SPTLC3: variants seen among roughly 807,000 people sequenced by gnomAD.
SPTLC3 encodes serine palmitoyltransferase 3.
Under a neutral mutation model 59.3 loss-of-function variants are expected in SPTLC3, and 36 were observed. The observed-to-expected ratio is 0.61, with a 90% confidence interval of 0.47 to 0.80. SPTLC3 has a LOEUF of 0.80. Among genes scored for constraint, SPTLC3 ranks in the 30% least tolerant of loss-of-function variants. The pLI is 0.00. For missense variants in SPTLC3, 625 were observed against 685.1 expected (o/e 0.91, Z 0.98); for synonymous variants, 257 against 240.8 (o/e 1.07, Z -0.62).
At chr20:13,071,048 G>A (rs542890148) in intron 2 of SPTLC3, among the ~76,000 whole-genome samples, 3 of 152,074 alleles carry the variant, frequency 2.0e-5, no homozygotes, top group African/African-American at 7.2e-5. Flanking sequence ...GTAATCCCAC[G>A]AATGTCCAAA....
chr20:13,154,211 T>C, intron 10 of SPTLC3, 73 bp downstream of exon 10: 4 of 1,575,492 alleles, frequency 2.5e-6, no homozygotes, highest in Non-Finnish European at 3.5e-6. Context: ...GGCACAGGCG[T>C]TAGATTATGC....
At chr20:13,052,141 C>T (rs1480668604) in intron 2 of SPTLC3, among the ~76,000 whole-genome samples, 1 of 152,088 alleles carries the variant, frequency 6.6e-6, no homozygotes, top group African/African-American at 2.4e-5. Context: ...ATGTAGAAGG[C>T]ATTTGATTTC....
At chr20:13,146,023 C>T (rs1382465249) in intron 9 of SPTLC3, among the ~76,000 whole-genome samples, 1 of 152,186 alleles carries the variant, frequency 6.6e-6, no homozygotes, top group Non-Finnish European at 1.5e-5. Flanking sequence ...ATGGAATCAA[C>T]CTAAATCCTT....
intron 6 of SPTLC3, among the ~76,000 whole-genome samples, chr20:13,105,303 A>C (rs1364104236): frequency 6.6e-6 from 1 of 152,020 alleles, no homozygotes; most frequent in Non-Finnish European, 1.5e-5. Context: ...CCTTCTGCTC[A>C]AGAATCCTGG....
At chr20:13,050,406 T>C (rs983444369) in intron 2 of SPTLC3, 1 of 152,030 alleles carries the variant, frequency 6.6e-6, no homozygotes, top group Non-Finnish European at 1.5e-5. Context: ...TAAGAAAATA[T>C]GAACAAAGCC....
At chr20:13,116,983 C>T (rs1373101686) in intron 7 of SPTLC3, among the ~76,000 whole-genome samples, 1 of 152,192 alleles carries the variant, frequency 6.6e-6, no homozygotes, top group Non-Finnish European at 1.5e-5. Context: ...AACAAGAGGT[C>T]TCAAAGACTT....
intron 2 of SPTLC3, among the ~76,000 whole-genome samples, chr20:13,067,646 T>G (rs994745633): frequency 3.3e-5 from 5 of 152,210 alleles, no homozygotes; most frequent in Non-Finnish European, 7.3e-5. Context: ...CTTTATTCAA[T>G]ATCTCTATCT....
chr20:13,159,970 C>CTT (rs76977323), intron 10 of SPTLC3, 33 bp from the exon 11 acceptor site: 137 of 1,161,814 alleles, frequency 1.2e-4, no homozygotes, highest in South Asian at 5.3e-4. Flanking sequence ...CAACTAACCA[C>CTT]TTTTTTTTTT....
At chr20:13,017,789 A>G (rs186558241) in intron 1 of SPTLC3, among the ~76,000 whole-genome samples, 1 of 152,338 alleles carries the variant, frequency 6.6e-6, no homozygotes, top group Admixed American at 6.5e-5. Context: ...TGAGAGGTAG[A>G]ATCTAATTCT....
intron 8 of SPTLC3, among the ~76,000 whole-genome samples, 195 bp downstream of exon 8, chr20:13,117,920 G>A (rs752708353): frequency 6.6e-6 from 1 of 152,170 alleles, no homozygotes; most frequent in African/African-American, 2.4e-5. Context: ...TAGTGAAGAG[G>A]AGCATGTGAT....
At chr20:13,093,648 C>A in intron 6 of SPTLC3, 71 bp downstream of exon 6, 2 of 1,378,426 alleles carry the variant, frequency 1.5e-6, no homozygotes, top group Admixed American at 1.9e-5. Flanking sequence ...ATTGATGAGG[C>A]TTTGTTCTGC....
rs77005274 is a variant in SPTLC3 at position 13,151,646 on chromosome 20, A to G, written c.1280-2357A>G. ...CAACTAAATCTCCATTTCTCTGCATATACCATATTGTTAACACAATTAAGG... is the reference window on the plus strand; with the variant it reads ...CAACTAAATCTCCATTTCTCTGCATGTACCATATTGTTAACACAATTAAGG... On this transcript the variant is annotated intron_variant, in intron 9 of 11. Transcript: ENST00000399002. Among the ~76,000 whole-genome samples, 74 of 152,346 alleles carry G rather than the reference A, an allele frequency of 4.9e-4. No homozygotes were observed. The East Asian group carries it at 0.014, about 29-fold the overall frequency.
intron 3 of SPTLC3, among the ~76,000 whole-genome samples, chr20:13,072,838 A>G (rs1037917088): frequency 6.6e-6 from 1 of 152,228 alleles, no homozygotes; most frequent in Non-Finnish European, 1.5e-5. Flanking sequence ...GTAACAATCC[A>G]TGGGTCAAGA....
chr20:13,120,249 TAGAC>T (rs1033250371), intron 8 of SPTLC3, among the ~76,000 whole-genome samples: 1 of 152,150 alleles, frequency 6.6e-6, no homozygotes, highest in Non-Finnish European at 1.5e-5. Flanking sequence ...AGATAGTTGA[TAGAC>T]AGATGAATAA....
intron 9 of SPTLC3, among the ~76,000 whole-genome samples, chr20:13,150,118 TC>T (rs2122936755): frequency 6.6e-6 from 1 of 152,332 alleles, no homozygotes; most frequent in East Asian, 1.9e-4. Flanking sequence ...TTTAAAATAA[TC>T]CTTACCATAG....
At chr20:13,046,532 G>A (rs770379437) in intron 1 of SPTLC3, among the ~76,000 whole-genome samples, 1 of 152,148 alleles carries the variant, frequency 6.6e-6, no homozygotes, top group Non-Finnish European at 1.5e-5. Flanking sequence ...TTTTGCTAGA[G>A]TCTGGACAAA....
intron 2 of SPTLC3, among the ~76,000 whole-genome samples, chr20:13,052,162 A>G (rs554450268): frequency 1.3e-5 from 2 of 152,244 alleles, no homozygotes; most frequent in African/African-American, 2.4e-5. Context: ...TGCATTTCCA[A>G]CTGAGGTACG....
At chr20:13,010,346 C>G (rs1289563440) in intron 1 of SPTLC3, among the ~76,000 whole-genome samples, 1 of 152,156 alleles carries the variant, frequency 6.6e-6, no homozygotes, top group Non-Finnish European at 1.5e-5. Context: ...CAAGTATCCA[C>G]CCACAGGAAA....
chr20:13,037,076 G>C (rs6041787), intron 1 of SPTLC3, among the ~76,000 whole-genome samples: 19 of 152,204 alleles, frequency 1.2e-4, no homozygotes, highest in African/African-American at 4.3e-4. Context: ...TTATGCCACA[G>C]GAAGGTTGCT....
Sources: gnomAD v4.1 joint callset for allele counts (sites outside exome capture counted in the v4.1 genomes callset) on GRCh38, gnomAD v4.1.1 for gene constraint, MANE v1.5 for transcripts, NCBI Gene and HGNC (gene_info 2026-07-23, HGNC 2026-07-21) for gene names.